Variants in GRK4 observed in about 807,000 individuals in gnomAD.
The protein encoded by GRK4 is G protein-coupled receptor kinase 4.
GRK4 carries 73 observed loss-of-function variants against 77.9 expected under a neutral mutation model. The ratio of observed to expected loss-of-function variants is 0.94; its 90% confidence interval spans 0.78 to 1.14. The LOEUF is 1.14. GRK4 is among the 50% of genes most tolerant of loss of function. The pLI is 0.00. For synonymous variants in GRK4, 257 were observed against 254.4 expected (o/e 1.01, Z -0.10); for missense variants, 729 against 700.2 (o/e 1.04, Z -0.46).
intron 12 of GRK4, among the ~76,000 whole-genome samples, chr4:3,033,517 A>G (rs1329982017): frequency 6.6e-6 from 1 of 152,210 alleles, no homozygotes; most frequent in Non-Finnish European, 1.5e-5. Context: ...GGGGCTGTGG[A>G]GTCCCTGAGA....
In GRK4 at chr4:2,963,619, C is replaced by T. The variant is rs920226376; in HGVS notation, c.-452C>T. ...AGGGGCGCTCCCTCTTCAGCTAAGC[C>T]GTTAGCGCCGAGCCCGCCCGGGAGC... On this transcript the variant is annotated 5_prime_UTR_variant, in exon 1 of 16. Transcript: ENST00000398052. 7 of 405,236 alleles carry T rather than the reference C, an allele frequency of 1.7e-5. No homozygotes were observed. The highest frequency in any genetic ancestry group is 8.6e-5 in the East Asian group (2 of 23,268). The allele number at this position is 405,236 out of a possible 1,614,324, so 25.1% of individuals were successfully genotyped here. A position where few individuals can be genotyped will look rare whatever the true frequency, so the allele number is the denominator to read the frequency against.
chr4:3,035,127 C>T (rs573201734), intron 12 of GRK4, among the ~76,000 whole-genome samples: 1 of 151,950 alleles, frequency 6.6e-6, no homozygotes, highest in Non-Finnish European at 1.5e-5. Flanking sequence ...TGCCCATAGT[C>T]CCAGCTACTC....
chr4:3,025,106 A>G (rs890353112), intron 10 of GRK4, among the ~76,000 whole-genome samples: 1 of 151,898 alleles, frequency 6.6e-6, no homozygotes, highest in Non-Finnish European at 1.5e-5. Context: ...CCCTGTCTCT[A>G]CTAAAAATAC....
chr4:2,973,356 G>A (rs932418008), intron 1 of GRK4, among the ~76,000 whole-genome samples: 1 of 152,072 alleles, frequency 6.6e-6, no homozygotes, highest in Non-Finnish European at 1.5e-5. Context: ...TCATTCCCTT[G>A]TGATCTTGTA....
rs1459012921 is a variant in GRK4, at chr4:3,029,258, G to A, written c.1118G>A (p.Gly373Asp). ...YTFSPDWWGL[G>D]CLIYEMIQGH... ...TTTAGTCCCGATTGGTGGGGACTTG[G>A]CTGTCTGATCTATGAAATGATTCAG... The change falls in exon 12 of 16, where the codon GGC becomes GAC. Residue 373 changes from glycine to aspartate, a missense_variant. Transcript: ENST00000398052. The A allele has an allele frequency of 1.9e-6, 3 of 1,614,126 alleles. No homozygotes were observed. Among genetic ancestry groups the A allele is most frequent in the Non-Finnish European group, 2.5e-6 (3 of 1,179,992 alleles).
intron 4 of GRK4, among the ~76,000 whole-genome samples, chr4:2,993,889 G>A (rs190280193): frequency 7.2e-5 from 11 of 152,338 alleles, no homozygotes; most frequent in African/African-American, 2.6e-4. Context: ...TTAGTGAATA[G>A]TGTGGTGAGA....
At chr4:2,993,330 TG>T (rs1282467642) in intron 4 of GRK4, among the ~76,000 whole-genome samples, 1 of 152,180 alleles carries the variant, frequency 6.6e-6, no homozygotes, top group African/African-American at 2.4e-5. Flanking sequence ...GGCCCTATAT[TG>T]TAAGGATGGA....
intron 1 of GRK4, among the ~76,000 whole-genome samples, chr4:2,980,056 T>C (rs3021137): frequency 0.02 from 3,088 of 152,320 alleles, 113 homozygotes; most frequent in African/African-American, 0.071. Flanking sequence ...TCTTTGTGCC[T>C]TCCCAGCTCC....
intron 2 of GRK4, among the ~76,000 whole-genome samples, chr4:2,987,664 G>A (rs1025006996): frequency 6.6e-6 from 1 of 152,172 alleles, no homozygotes; most frequent in Admixed American, 6.5e-5. Flanking sequence ...TTGTTGGCCA[G>A]GCGCAGTGGC....
intron 12 of GRK4, among the ~76,000 whole-genome samples, chr4:3,031,221 G>A (rs2515931): frequency 0.045 from 6,808 of 152,278 alleles, 243 homozygotes; most frequent in African/African-American, 0.097. Flanking sequence ...TCTGTGGCCA[G>A]TGCAGCACAG....
At chr4:3,025,642 T>C (rs892404748) in intron 10 of GRK4, among the ~76,000 whole-genome samples, 3 of 151,964 alleles carry the variant, frequency 2.0e-5, no homozygotes, top group Non-Finnish European at 2.9e-5. Context: ...TCCGCCCGCC[T>C]CGGCCTCCCA....
In GRK4 at chr4:2,992,168, C is replaced by T. The variant is rs143922132; in HGVS notation, c.262-47C>T. On this transcript the variant is annotated intron_variant, in intron 3 of 15. Coordinates refer to ENST00000398052, the MANE Select transcript of GRK4 (RefSeq NM_182982.3). The stretch of plus-strand genomic sequence containing the variant: ...GGCTGGAACTACAGGTATGCACCAC[C>T]ACACCCAGCTTAACTGTTCTTTCTT... 4,183 of 1,381,666 alleles carry T rather than the reference C, an allele frequency of 3.0e-3. 11 individuals carry two copies. The highest frequency in any genetic ancestry group is 3.3e-3 in the Non-Finnish European group (3,170 of 971,490). 85.6% of individuals were successfully genotyped at this position (1,381,666 alleles called of 1,614,324 possible).
intron 4 of GRK4, among the ~76,000 whole-genome samples, chr4:2,997,798 C>T (rs1257270324): frequency 6.6e-6 from 1 of 151,046 alleles, no homozygotes; most frequent in Non-Finnish European, 1.5e-5. Flanking sequence ...GTCCCAGCTA[C>T]TGAGGAGGCT....
At chr4:3,037,044 G>GGTGTGTGTGTGTGT (rs1271637092) in intron 13 of GRK4, among the ~76,000 whole-genome samples, 1 of 144,276 alleles carries the variant, frequency 6.9e-6, no homozygotes, top group African/African-American at 2.6e-5. Context: ...CCTCAGGAGG[G>GGTGTGTGTGTGTGT]GTGTGTGTGT....
intron 8 of GRK4, among the ~76,000 whole-genome samples, chr4:3,016,921 T>G (rs1246621416): frequency 1.3e-5 from 2 of 152,148 alleles, no homozygotes; most frequent in Non-Finnish European, 2.9e-5. Context: ...TCTCCCTGCT[T>G]AACCTAGAGA....
chr4:3,002,963 TTGTAAG>T lies in GRK4; in HGVS notation c.340-1264_340-1259del, dbSNP rs1730281366. On this transcript the variant is annotated intron_variant, in intron 4 of 15. Transcript: ENST00000398052. ...ACATGAAGGTTACCAACGTCAGCATTTGTAAGTGTGCACTTCAGTAGTGTTAAATAT... is the reference window on the plus strand; with the variant it reads ...ACATGAAGGTTACCAACGTCAGCATTTGTGCACTTCAGTAGTGTTAAATAT... Among the ~76,000 whole-genome samples the T allele has an allele frequency of 2.0e-5, 3 of 152,320 alleles. No individual in the cohort carries two copies. In the South Asian group the frequency reaches 6.2e-4, roughly 32 times the overall value.
chr4:2,970,426 A>G (rs1382574754), intron 1 of GRK4, among the ~76,000 whole-genome samples: 3 of 152,032 alleles, frequency 2.0e-5, no homozygotes, highest in Non-Finnish European at 1.5e-5. Flanking sequence ...TTGGGAGGCC[A>G]AGGCGGGCGG....
intron 10 of GRK4, among the ~76,000 whole-genome samples, chr4:3,027,598 T>G (rs562925175): frequency 2.0e-5 from 3 of 152,344 alleles, no homozygotes; most frequent in African/African-American, 7.2e-5. Flanking sequence ...TTTTTATTGA[T>G]GTACCTGGAA....
intron 5 of GRK4, among the ~76,000 whole-genome samples, chr4:3,005,573 C>T (rs749709681): frequency 4.3e-4 from 65 of 151,898 alleles, no homozygotes; most frequent in Non-Finnish European, 8.4e-4. Flanking sequence ...GAGGCCGAGG[C>T]GGGCAGATCG....
Sources: gnomAD v4.1 joint callset for allele counts (sites outside exome capture counted in the v4.1 genomes callset) on GRCh38, gnomAD v4.1.1 for gene constraint, MANE v1.5 for transcripts, NCBI Gene and HGNC (gene_info 2026-07-23, HGNC 2026-07-21) for gene names.